Variants in ZFHX3 observed in about 807,000 individuals in gnomAD.
The protein encoded by ZFHX3 is zinc finger homeobox 3.
Under a neutral mutation model 279.1 loss-of-function variants are expected in ZFHX3, and 42 were observed. The ratio of observed to expected loss-of-function variants is 0.15; its 90% CI spans 0.12 to 0.19. The LOEUF (loss-of-function observed/expected upper bound fraction) is 0.19, where lower values mean the gene tolerates loss of function less well. ZFHX3 is among the 10% of genes least tolerant of loss of function. ZFHX3 has a pLI of 1.00. For missense variants in ZFHX3, 4,981 were observed against 4,754.0 expected (o/e 1.05, Z -1.40); for synonymous variants, 2,293 against 1,957.8 (o/e 1.17, Z -4.52).
At chr16:73,830,249 C>T (rs528349150) in intron 1 of ZFHX3, among the ~76,000 whole-genome samples, 154 of 141,850 alleles carry the variant, frequency 1.1e-3, no homozygotes, top group African/African-American at 2.3e-3. Context: ...GGCAATGCCT[C>T]GCCCTGCTTC....
In ZFHX3 at chr16:72,787,924, G is replaced by C. The variant is rs199984776; in HGVS notation, c.10352C>G (p.Ser3451Cys). Residue 3451 changes from serine to cysteine, a missense_variant, in exon 10 of 10, where the codon TCC (serine) becomes TGC (cysteine). Physicochemically the swap from Ser to Cys is moderately radical, Grantham distance 112 (BLOSUM62 -1). This residue lies in a region of ZFHX3 where 1,034 missense variants were observed against 786.0 expected (regional missense o/e 1.32). Transcript: ENST00000268489. ...TGGAACAATGAAGGGGTCGTAGAGG[G>C]AGTCCGCACTTTTGCTTTCTGCTTC... ...EPEAESKSAD[S>C]LYDPFIVPKV... The C allele has an allele frequency of 5.2e-4, 847 of 1,613,970 alleles. No homozygotes were observed. Among genetic ancestry groups the C allele is most frequent in the Non-Finnish European group, 6.5e-4 (771 of 1,180,036 alleles).
chr16:73,756,640 T>A (rs1423357826), intron 1 of ZFHX3, among the ~76,000 whole-genome samples: 1 of 151,704 alleles, frequency 6.6e-6, no homozygotes, highest in Non-Finnish European at 1.5e-5. Context: ...TCAGAAAGAG[T>A]TGCAAGAATA....
At chr16:73,861,718 G>A (rs1961885669) in intron 1 of ZFHX3, among the ~76,000 whole-genome samples, 1 of 152,088 alleles carries the variant, frequency 6.6e-6, no homozygotes, top group Admixed American at 6.5e-5. Context: ...CTGCCAGCCG[G>A]GCACAGTGGC....
At chr16:73,771,964 C>T (rs1025833855) in intron 1 of ZFHX3, among the ~76,000 whole-genome samples, 2 of 152,112 alleles carry the variant, frequency 1.3e-5, no homozygotes, top group African/African-American at 2.4e-5. Flanking sequence ...TTCAGTCAGT[C>T]CACTCAAGTT....
chr16:72,827,758 G>A (rs2266944), intron 5 of ZFHX3, among the ~76,000 whole-genome samples: 4,968 of 152,150 alleles, frequency 0.033, 597 homozygotes, highest in East Asian at 0.28. Context: ...CTTACACATC[G>A]CCTAGGGTGT....
At position 73,236,007 on chromosome 16, in the gene ZFHX3, A is replaced by C. The variant is rs78482003; in HGVS notation, c.-1104+21040T>G. ...ATCTTTTAAAAACCATCTATGAGTT[A>C]AGTGAAACATATTTGCAAAGACAGT... On this transcript the variant is annotated intron_variant, in intron 5 of 17. Coordinates refer to the ZFHX3 transcript ENST00000641206. Among the ~76,000 whole-genome samples the C allele has an allele frequency of 8.9e-3, 1,351 of 152,348 alleles. 18 individuals are homozygous for C. Among genetic ancestry groups the C allele is most frequent in the African/African-American group, 0.03 (1,266 of 41,586 alleles).
At chr16:73,098,506 C>T (rs1966194400) in intron 7 of ZFHX3, among the ~76,000 whole-genome samples, 1 of 152,146 alleles carries the variant, frequency 6.6e-6, no homozygotes, top group Non-Finnish European at 1.5e-5. Flanking sequence ...GGATGACAGG[C>T]ACATGCCACC....
Position 73,007,084 on chromosome 16 carries a change from C to T in ZFHX3, c.-50+40668G>A, listed in dbSNP as rs1227571477. ...AACTATATTATGTTTTTCTTCTTGGCTCTACATACATGATTATTTCAAGAG... is the reference window on the plus strand; with the variant it reads ...AACTATATTATGTTTTTCTTCTTGGTTCTACATACATGATTATTTCAAGAG... On this transcript the variant is annotated intron_variant, in intron 1 of 9. Coordinates refer to ENST00000268489, the MANE Select transcript of ZFHX3 (RefSeq NM_006885.4). Among the ~76,000 whole-genome samples the T allele has an allele frequency of 3.9e-5, 6 of 152,272 alleles. No individual in the cohort carries two copies. The East Asian group carries it at 1.2e-3, about 29-fold the overall frequency.
intron 3 of ZFHX3, among the ~76,000 whole-genome samples, chr16:73,326,196 C>T (rs2015685375): frequency 6.6e-6 from 1 of 152,156 alleles, no homozygotes; most frequent in Non-Finnish European, 1.5e-5. Context: ...TTTGTATTTC[C>T]TAACACAGAT....
rs150261496 is a variant in ZFHX3, at chr16:73,852,207, T to C, written c.-1608+39444A>G. Among the ~76,000 whole-genome samples the C allele has an allele frequency of 6.1e-3, 934 of 152,304 alleles. 16 individuals carry two copies. Among genetic ancestry groups the C allele is most frequent in the African/African-American group, 0.021 (886 of 41,566 alleles). ...CAGGCTGTTTTGTTCCAGACTCTAT[T>C]GTTCACCATGCCAGAAAATCATGAC... On this transcript the variant is annotated intron_variant, in intron 1 of 17. Transcript: ENST00000641206.
chr16:73,196,275 G>A (rs1220515151), intron 5 of ZFHX3, among the ~76,000 whole-genome samples: 1 of 151,706 alleles, frequency 6.6e-6, no homozygotes, highest in Non-Finnish European at 1.5e-5. Flanking sequence ...GATATCTAGA[G>A]CTTCCTCCTT....
intron 7 of ZFHX3, among the ~76,000 whole-genome samples, chr16:73,115,658 G>T (rs1361890052): frequency 6.6e-6 from 1 of 152,142 alleles, no homozygotes; most frequent in East Asian, 1.9e-4. Flanking sequence ...TCAAGGGCAG[G>T]CGTAGGGCTA....
intron 1 of ZFHX3, among the ~76,000 whole-genome samples, chr16:73,818,773 T>C (rs1405351954): frequency 1.3e-5 from 2 of 152,218 alleles, no homozygotes; most frequent in Admixed American, 6.5e-5. Flanking sequence ...GTTTTCAAAC[T>C]TAAATTGCTC....
At chr16:73,630,879 C>T (rs759192344) in intron 2 of ZFHX3, among the ~76,000 whole-genome samples, 4 of 152,188 alleles carry the variant, frequency 2.6e-5, no homozygotes, top group Non-Finnish European at 5.9e-5. Flanking sequence ...GCTATGCAAT[C>T]GGGAATCATT....
intron 1 of ZFHX3, among the ~76,000 whole-genome samples, chr16:73,831,654 T>A (rs909248838): frequency 1.3e-5 from 2 of 152,218 alleles, no homozygotes; most frequent in Non-Finnish European, 2.9e-5. Flanking sequence ...TAATTGGCAA[T>A]CCCACAACTT....
intron 1 of ZFHX3, among the ~76,000 whole-genome samples, chr16:73,800,552 T>C (rs1449194560): frequency 3.3e-5 from 5 of 152,016 alleles, no homozygotes; most frequent in Admixed American, 6.6e-5. Flanking sequence ...TTTCTTCTTC[T>C]TCCTCCTCCT....
intron 3 of ZFHX3, among the ~76,000 whole-genome samples, chr16:72,925,173 A>C (rs909357895): frequency 6.6e-6 from 1 of 152,214 alleles, no homozygotes; most frequent in East Asian, 1.9e-4. Context: ...TGTGGAGTTA[A>C]CACAAAGCCA....
intron 5 of ZFHX3, among the ~76,000 whole-genome samples, chr16:73,214,140 T>C (rs575817988): frequency 7.3e-4 from 111 of 152,324 alleles, no homozygotes; most frequent in Non-Finnish European, 9.4e-4. Context: ...CTTTGTCCTA[T>C]AGAAACTGCT....
At chr16:72,910,858 C>T (rs2039299733) in intron 3 of ZFHX3, among the ~76,000 whole-genome samples, 1 of 152,084 alleles carries the variant, frequency 6.6e-6, no homozygotes, top group African/African-American at 2.4e-5. Flanking sequence ...TCAGCAATTA[C>T]CTAGAAAAGA....
Sources: gnomAD v4.1 joint callset for allele counts (sites outside exome capture counted in the v4.1 genomes callset) on GRCh38, gnomAD v4.1.1 for gene constraint, gnomAD v4.1.1 regional missense constraint, MANE v1.5 for transcripts, NCBI Gene and HGNC (gene_info 2026-07-23, HGNC 2026-07-21) for gene names.